SERPINA1: variants seen among roughly 807,000 people sequenced by gnomAD.
SERPINA1 encodes alpha-1-antitrypsin.
In SERPINA1, 21 loss-of-function variants were observed where a neutral mutation model predicts 25.4. That is an observed-to-expected ratio of 0.83 (90% CI 0.59 to 1.19). The LOEUF (loss-of-function observed/expected upper bound fraction) is 1.19. Among genes scored for constraint, SERPINA1 ranks in the 50% most tolerant of loss-of-function variants. The pLI is 0.00. For missense variants in SERPINA1, 546 were observed against 509.0 expected (o/e 1.07, Z -0.70); for synonymous variants, 218 against 211.1 (o/e 1.03, Z -0.29).
Position 94,382,798 on chromosome 14 carries a change from C to A in SERPINA1, c.440G>T (p.Gly147Val). The change falls in exon 2 of 5, where the codon GGC (glycine) becomes GTC (valine). Residue 147 changes from glycine to valine, a missense_variant. Transcript: ENST00000393087. ...TTGNGLFLSE[G>V]LKLVDKFLED... is the part of the protein sequence containing the mutation. ...CAAAAACTTATCCACTAGCTTCAGG[C>A]CCTCGCTGAGGAACAGGCCATTGCC... 1 of 1,614,258 alleles carries A rather than the reference C, an allele frequency of 6.2e-7. No homozygotes were observed. Among genetic ancestry groups the A allele is most frequent in the South Asian group, 1.1e-5 (1 of 91,088 alleles).
chr14:94,380,806 C>A, intron 3 of SERPINA1, 65 bp downstream of exon 3: 3 of 1,604,594 alleles, frequency 1.9e-6, no homozygotes, highest in Non-Finnish European at 2.6e-6. Flanking sequence ...TCCTGATGGG[C>A]CTCAGTCCCA....
At chr14:94,383,842 A>G (rs939763370) in intron 1 of SERPINA1, among the ~76,000 whole-genome samples, 4 of 152,234 alleles carry the variant, frequency 2.6e-5, no homozygotes, top group African/African-American at 9.6e-5. Context: ...CAGAAGGGAA[A>G]TGCATCTTGC....
At position 94,382,686 on chromosome 14, in the gene SERPINA1, G is replaced by T. The variant is rs199422210; in HGVS notation, c.552C>A (p.Tyr184Ter). The T allele has an allele frequency of 1.2e-6, 2 of 1,614,202 alleles. No homozygotes were observed. Among genetic ancestry groups the T allele is most frequent in the South Asian group, 2.2e-5 (2 of 91,086 alleles). The change falls in exon 2 of 5, where the codon TAC becomes TAA. Residue 184 changes from tyrosine (Y) to a stop codon, truncating the protein, a stop_gained. Transcript: ENST00000393087. LOFTEE classifies it high-confidence loss of function. ...TEEAKKQIND[Y>*]VEKGTQGKIV... ...TTTTCCCTTGAGTACCCTTCTCCAC[G>T]TAATCGTTGATCTGTTTCTTGGCCT... is the stretch of plus-strand genomic sequence containing the variant.
intron 2 of SERPINA1, among the ~76,000 whole-genome samples, chr14:94,382,285 G>C (rs1896982656): frequency 1.3e-5 from 2 of 152,102 alleles, no homozygotes; most frequent in Admixed American, 1.3e-4. Context: ...TTTATGCAGT[G>C]TATTACAATT....
In SERPINA1 at chr14:94,380,923, T is replaced by G. The variant is rs749030711; in HGVS notation, c.865A>C (p.Asn289His). The change falls in exon 3 of 5, where the codon AAT (asparagine) becomes CAT (histidine). Residue 289 changes from asparagine to histidine, a missense_variant. By Grantham distance (68) the Asn-to-His change is moderately conservative. Transcript: ENST00000393087. ...GTGATGATATCGTGGGTGAGTTCATTTTCCAGGTGCTGTAGTTTCCCCTCA... is the reference window on the plus strand; with the variant it reads ...GTGATGATATCGTGGGTGAGTTCATGTTCCAGGTGCTGTAGTTTCCCCTCA... Reference protein sequence around the residue: ...PDEGKLQHLENELTHDIITKF... With the variant: ...PDEGKLQHLEHELTHDIITKF... 6.2e-7 allele frequency: 1 copy of G among 1,614,186 alleles called. No individual in the cohort carries two copies. The highest frequency in any genetic ancestry group is 1.1e-5 in the South Asian group (1 of 91,080).
At chr14:94,388,279 G>A (rs10146299) in intron 1 of SERPINA1, among the ~76,000 whole-genome samples, 237 of 152,320 alleles carry the variant, frequency 1.6e-3, no homozygotes, top group African/African-American at 5.5e-3. Flanking sequence ...TGCCAGGACT[G>A]CAGACCTAGA....
At chr14:94,384,749 C>T (rs905687402) in intron 1 of SERPINA1, among the ~76,000 whole-genome samples, 2 of 152,052 alleles carry the variant, frequency 1.3e-5, no homozygotes, top group African/African-American at 2.4e-5. Flanking sequence ...AAAAAGGTGT[C>T]CTTGAATTTG....
At chr14:94,379,281 C>T in intron 4 of SERPINA1, 183 bp downstream of exon 4, 3 of 855,444 alleles carry the variant, frequency 3.5e-6, no homozygotes, top group Non-Finnish European at 5.7e-6. Context: ...ACAGCAGTCC[C>T]CTGCCTGGCT....
chr14:94,385,717 A>G (rs1897243597), intron 1 of SERPINA1, among the ~76,000 whole-genome samples: 1 of 152,194 alleles, frequency 6.6e-6, no homozygotes, highest in Non-Finnish European at 1.5e-5. Flanking sequence ...GCCCTCCTAG[A>G]CAGGGGAATT....
At position 94,378,453 on chromosome 14, in the gene SERPINA1, T is replaced by A. The variant is rs1566747286; in HGVS notation, c.1253A>T (p.Lys418Ile). Residue 418 changes from lysine to isoleucine, a missense_variant, in exon 5 of 5, where the codon AAA (lysine) becomes ATA (isoleucine). Coordinates refer to ENST00000393087, the MANE Select transcript of SERPINA1 (RefSeq NM_000295.5). ...GGGTTGAGGAGCGAGAGGCAGTTAT[T>A]TTTGGGTGGGATTCACCACTTTTCC... ...FMGKVVNPTQ[K>I] is the part of the protein sequence containing the mutation. 6.2e-7 allele frequency: 1 copy of A among 1,613,930 alleles called. No individual in the cohort carries two copies. The highest frequency in any genetic ancestry group is 1.3e-5 in the African/African-American group (1 of 74,982).
intron 1 of SERPINA1, chr14:94,383,506 T>C (rs946432541): frequency 1.8e-6 from 1 of 548,882 alleles, no homozygotes; most frequent in Admixed American, 3.1e-5. Flanking sequence ...AATGCTAATA[T>C]CCTTCTTTTA....
At position 94,378,270 on chromosome 14, in the gene SERPINA1, C is replaced by T; in HGVS notation, c.*179G>A. On this transcript the variant is annotated 3_prime_UTR_variant, in exon 5 of 5. Transcript: ENST00000393087. ...TGCTCCATGAACACAGTTCAGGGGG[C>T]CCGAAGACAGCACTGTTACCTGGAG... is the stretch of plus-strand genomic sequence containing the variant. 3.2e-6 allele frequency: 2 copies of T among 633,564 alleles called. No homozygotes were observed. Among genetic ancestry groups the T allele is most frequent in the African/African-American group, 1.8e-5 (1 of 54,942 alleles). 39.2% of individuals were successfully genotyped at this position (633,564 alleles called of 1,614,324 possible). A position where few individuals can be genotyped will look rare whatever the true frequency, so the allele number is the denominator to read the frequency against.
rs1207910378 is a variant in SERPINA1, at chr14:94,378,723, G to A, written c.1066-83C>T. 30 of 1,396,964 alleles carry A rather than the reference G, an allele frequency of 2.1e-5. No homozygotes were observed. In the Admixed American group the frequency reaches 3.5e-4, roughly 16 times the overall value. The allele number at this position is 1,396,964 out of a possible 1,614,324, so 86.5% of individuals were successfully genotyped here. On this transcript the variant is annotated intron_variant, in intron 4 of 4. Coordinates refer to ENST00000393087, the MANE Select transcript of SERPINA1 (RefSeq NM_000295.5). ...CTCACGTGGACACCTCCCAGGAAGC[G>A]CTCACTCCCCCTGGACGGCCCTGGC...
chr14:94,378,624 A>T lies in SERPINA1; in HGVS notation c.1082T>A (p.Val361Glu). Residue 361 changes from valine to glutamate, a missense_variant, in exon 5 of 5, where the codon GTG becomes GAG. Physicochemically the swap from Val to Glu is moderately radical, Grantham distance 121 (BLOSUM62 -2). Transcript: ENST00000393087. Reference protein sequence around the residue: ...LKLSKAVHKAVLTIDEKGTEA... With the variant: ...LKLSKAVHKAELTIDEKGTEA... ...AGTCCCTTTCTCGTCGATGGTCAGC[A>T]CAGCCTTATGCACGGCCTGGAGGGG... The T allele has an allele frequency of 6.2e-7, 1 of 1,614,156 alleles. No individual in the cohort carries two copies. Among genetic ancestry groups the T allele is most frequent in the African/African-American group, 1.3e-5 (1 of 75,034 alleles).
At chr14:94,387,897 A>G (rs115322021) in intron 1 of SERPINA1, among the ~76,000 whole-genome samples, 2,028 of 152,230 alleles carry the variant, frequency 0.013, 40 homozygotes, top group African/African-American at 0.047. Context: ...CAGGAATGCC[A>G]GCTTGAGCCC....
intron 1 of SERPINA1, chr14:94,383,479 C>T: frequency 3.5e-6 from 2 of 579,612 alleles, no homozygotes; most frequent in South Asian, 4.3e-5. Context: ...TTTCTTGTAA[C>T]AATCCCGTGA....
intron 3 of SERPINA1, among the ~76,000 whole-genome samples, chr14:94,380,096 C>A (rs999890614): frequency 2.0e-5 from 3 of 152,292 alleles, no homozygotes; most frequent in Non-Finnish European, 2.9e-5. Flanking sequence ...TGGCTCTGGG[C>A]TCTCTGATCC....
rs864622047 is a variant in SERPINA1 at position 94,383,002 on chromosome 14, A to T, written c.236T>A (p.Val79Glu). ...CATTGCAAAGGCTGTAGCGATGCTC[A>T]CTGGGGAGAAGAAGATATTGGTGCT... is the stretch of plus-strand genomic sequence containing the variant. The part of the protein sequence containing the change: ...SNSTNIFFSP[V>E]SIATAFAMLS... The change falls in exon 2 of 5, where the codon GTG becomes GAG. Residue 79 changes from valine to glutamate, a missense_variant. Transcript: ENST00000393087. The T allele has an allele frequency of 1.2e-6, 2 of 1,609,904 alleles. No homozygotes were observed. Among genetic ancestry groups the T allele is most frequent in the Non-Finnish European group, 1.7e-6 (2 of 1,176,634 alleles).
chr14:94,381,247 C>T, intron 2 of SERPINA1, 106 bp from the exon 3 acceptor site: 1 of 1,108,114 alleles, frequency 9.0e-7, no homozygotes, highest in South Asian at 1.3e-5. Flanking sequence ...CCTGAGCCCC[C>T]TTGACGACAC....
Sources: gnomAD v4.1 joint callset for allele counts (sites outside exome capture counted in the v4.1 genomes callset) on GRCh38, gnomAD v4.1.1 for gene constraint, MANE v1.5 for transcripts, NCBI Gene and HGNC (gene_info 2026-07-23, HGNC 2026-07-21) for gene names.